Variants in DNAH11 observed in about 807,000 individuals in gnomAD.
DNAH11 encodes the protein axonemal beta dynein heavy chain 11.
Under a neutral mutation model 526.0 loss-of-function variants are expected in DNAH11, and 442 were observed. The observed-to-expected ratio is 0.84, with a 90% CI of 0.78 to 0.91. The LOEUF (loss-of-function observed/expected upper bound fraction) is 0.91. Ranked by LOEUF, DNAH11 falls within the 40% of genes least tolerant of loss-of-function variation. The pLI is 0.00. For missense variants in DNAH11, 6,989 were observed against 5,448.7 expected (o/e 1.28, Z -8.90); for synonymous variants, 2,461 against 1,935.9 (o/e 1.27, Z -7.12).
chr7:21,787,689 A>T, intron 60 of DNAH11, 106 bp downstream of exon 60: 3 of 1,007,812 alleles, frequency 3.0e-6, no homozygotes, highest in Non-Finnish European at 4.2e-6. Flanking sequence ...TCATTTTCTG[A>T]ATAAGGATAT....
chr7:21,884,366 A>C lies in DNAH11; in HGVS notation c.12463A>C (p.Lys4155Gln). The C allele has an allele frequency of 1.2e-6, 2 of 1,613,372 alleles. No individual in the cohort carries two copies. The highest frequency in any genetic ancestry group is 1.7e-6 in the Non-Finnish European group (2 of 1,179,522). Residue 4155 changes from lysine (K) to glutamine (Q), a missense_variant, in exon 76 of 82, where the codon AAA becomes CAA. By Grantham distance (53) the Lys-to-Gln change is moderately conservative. Coordinates refer to ENST00000409508, the MANE Select transcript of DNAH11 (RefSeq NM_001277115.2). ...CCACATCACAGATGACTGGGATCGC[A>C]AACTGTGTCGGGTGTATTTAGAAGA... ...GGHITDDWDR[K>Q]LCRVYLEEFM...
Position 21,744,949 on chromosome 7 carries a change from T to C in DNAH11, c.8396T>C (p.Met2799Thr). 1 of 1,610,772 alleles carries C rather than the reference T, an allele frequency of 6.2e-7. No homozygotes were observed. The highest frequency in any genetic ancestry group is 8.5e-7 in the Non-Finnish European group (1 of 1,178,500). Residue 2799 changes from methionine to threonine, a missense_variant, in exon 51 of 82, where the codon ATG (methionine) becomes ACG (threonine). Coordinates refer to ENST00000409508, the MANE Select transcript of DNAH11 (RefSeq NM_001277115.2). ...FADRGKDPHY[M>T]PVKDWEVLKT... is the part of the protein sequence containing the mutation. ...GATAGAGGGAAGGACCCACATTACA[T>C]GCCAGTGAAGGACTGGGAAGTGCTG...
chr7:21,638,335 T>C (rs182460841), intron 27 of DNAH11, among the ~76,000 whole-genome samples: 1 of 152,204 alleles, frequency 6.6e-6, no homozygotes, highest in Non-Finnish European at 1.5e-5. Flanking sequence ...GTCTGAAAGT[T>C]TTTTTGGTAA....
chr7:21,869,605 C>T (rs1029101188), intron 73 of DNAH11, among the ~76,000 whole-genome samples: 4 of 152,184 alleles, frequency 2.6e-5, no homozygotes, highest in African/African-American at 4.8e-5. Context: ...GGCTCCTCCC[C>T]GCTGCAAATG....
chr7:21,749,198 G>C (rs374512365), intron 52 of DNAH11, among the ~76,000 whole-genome samples: 1 of 152,150 alleles, frequency 6.6e-6, no homozygotes, highest in Non-Finnish European at 1.5e-5. Flanking sequence ...TGTTTTTCAA[G>C]CTTTGCTTTT....
chr7:21,688,662 CCTT>C (rs1362369032), intron 34 of DNAH11, among the ~76,000 whole-genome samples: 1 of 152,206 alleles, frequency 6.6e-6, no homozygotes, highest in Non-Finnish European at 1.5e-5. Context: ...TCCACCAACT[CCTT>C]CTTTGCTAGT....
intron 2 of DNAH11, among the ~76,000 whole-genome samples, chr7:21,554,676 G>C (rs1783151676): frequency 6.6e-6 from 1 of 152,156 alleles, no homozygotes; most frequent in South Asian, 2.1e-4. Flanking sequence ...CTAGGAATTG[G>C]TTCAGCTGGT....
At chr7:21,560,526 G>A (rs1783410356) in intron 4 of DNAH11, among the ~76,000 whole-genome samples, 1 of 152,306 alleles carries the variant, frequency 6.6e-6, no homozygotes, top group African/African-American at 2.4e-5. Context: ...GCAAACCACT[G>A]GTGTAAGTCT....
chr7:21,803,318 G>T (rs1358058772), intron 62 of DNAH11, among the ~76,000 whole-genome samples: 1 of 152,086 alleles, frequency 6.6e-6, no homozygotes, highest in Non-Finnish European at 1.5e-5. Context: ...GTTGATCCTG[G>T]TGATTAGTGA....
Position 21,901,170 on chromosome 7 carries a change from C to G in DNAH11, c.13467C>G (p.Ser4489Arg). The G allele has an allele frequency of 6.2e-7, 1 of 1,613,198 alleles. No homozygotes were observed. The highest frequency in any genetic ancestry group is 1.7e-5 in the Admixed American group (1 of 59,998). Residue 4489 changes from serine (S) to arginine (R), a missense_variant, in exon 82 of 82, where the codon AGC becomes AGG. Ser to Arg is a moderately radical substitution (Grantham distance 110, BLOSUM62 -1). Transcript: ENST00000409508. ...PVYRTKLRGPSYIWTFRLKSE... is the reference protein window; with the variant it reads ...PVYRTKLRGPRYIWTFRLKSE... ...ATAGAACCAAACTGAGAGGCCCCAG[C>G]TACATCTGGACCTTCAGGCTGAAGA...
At chr7:21,756,457 A>G (rs897793227) in intron 54 of DNAH11, among the ~76,000 whole-genome samples, 1 of 152,144 alleles carries the variant, frequency 6.6e-6, no homozygotes, top group Non-Finnish European at 1.5e-5. Flanking sequence ...ATATTCTGGA[A>G]TCTAGTAGAG....
intron 65 of DNAH11, among the ~76,000 whole-genome samples, chr7:21,823,302 T>C (rs1790134076): frequency 6.6e-6 from 1 of 152,158 alleles, no homozygotes; most frequent in Admixed American, 6.6e-5. Context: ...TAAGCCTCAT[T>C]TGTTTCCCCA....
At chr7:21,703,892 A>G (rs1784156505) in intron 37 of DNAH11, 1 of 152,094 alleles carries the variant, frequency 6.6e-6, no homozygotes, top group Admixed American at 6.5e-5. Flanking sequence ...TACTAGGTCA[A>G]GATTTTCTTT....
intron 57 of DNAH11, among the ~76,000 whole-genome samples, chr7:21,780,899 C>T (rs774439960): frequency 2.0e-5 from 3 of 152,032 alleles, no homozygotes; most frequent in Non-Finnish European, 4.4e-5. Context: ...GTGGAAAAGA[C>T]CGACATGAGA....
At chr7:21,893,258 A>G (rs12533084) in intron 77 of DNAH11, among the ~76,000 whole-genome samples, 19,224 of 152,162 alleles carry the variant, frequency 0.13, 1,555 homozygotes, top group East Asian at 0.35. Flanking sequence ...AGTATTCCCA[A>G]TCAGTTTTCT....
chr7:21,839,554 G>A (rs1229354251), intron 65 of DNAH11, among the ~76,000 whole-genome samples: 5 of 149,526 alleles, frequency 3.3e-5, no homozygotes, highest in South Asian at 4.2e-4. Context: ...CAACCTGGGC[G>A]ACAGAGTGAG....
At chr7:21,702,243 C>T (rs973824203) in intron 36 of DNAH11, among the ~76,000 whole-genome samples, 1 of 152,086 alleles carries the variant, frequency 6.6e-6, no homozygotes, top group African/African-American at 2.4e-5. Context: ...TATGTGCTGG[C>T]ATCTAGGCAG....
chr7:21,683,240 A>T (rs190026366), intron 31 of DNAH11, among the ~76,000 whole-genome samples: 1 of 152,306 alleles, frequency 6.6e-6, no homozygotes, highest in Non-Finnish European at 1.5e-5. Context: ...CTTGAAAGAG[A>T]CAGGGATTTT....
chr7:21,882,141 C>T (rs1366392276), intron 75 of DNAH11, among the ~76,000 whole-genome samples: 4 of 152,074 alleles, frequency 2.6e-5, no homozygotes, highest in Non-Finnish European at 1.5e-5. Context: ...GGAATAGAAT[C>T]GTATTTCAGC....
Sources: allele counts gnomAD v4.1 joint callset (sites outside exome capture counted in the v4.1 genomes callset), GRCh38; gene constraint gnomAD v4.1.1; transcripts MANE v1.5; gene names NCBI Gene and HGNC (gene_info 2026-07-23, HGNC 2026-07-21).